CDH23: variants seen among roughly 807,000 people sequenced by gnomAD.
CDH23 encodes cadherin-23.
A neutral mutation model predicts 317.1 loss-of-function variants in CDH23; 189 were observed. That is an observed-to-expected ratio of 0.60 (90% CI 0.53 to 0.67). The LOEUF is 0.67. Ranked by LOEUF, CDH23 falls within the 30% of genes least tolerant of loss-of-function variation. The pLI is 0.00. For missense variants in CDH23, 4,401 were observed against 4,592.4 expected (o/e 0.96, Z 1.20); for synonymous variants, 1,839 against 1,876.8 (o/e 0.98, Z 0.52).
chr10:71,498,367 C>T (rs896355152), intron 3 of CDH23, among the ~76,000 whole-genome samples: 4 of 152,180 alleles, frequency 2.6e-5, no homozygotes, highest in African/African-American at 9.7e-5. Flanking sequence ...GGGTCACATT[C>T]GGGCCAGGTG....
chr10:71,559,728 C>A (rs567990131), intron 6 of CDH23, among the ~76,000 whole-genome samples: 1 of 152,178 alleles, frequency 6.6e-6, no homozygotes. Flanking sequence ...TGACTTAGGG[C>A]CCAGGCCACA....
At chr10:71,798,289 A>G in intron 49 of CDH23, 65 bp from the exon 50 acceptor site, 1 of 1,285,608 alleles carries the variant, frequency 7.8e-7, no homozygotes, top group Non-Finnish European at 1.1e-6. Flanking sequence ...GCTGAGGCTA[A>G]GGAAGGCCTG....
At chr10:71,716,455 G>GC (rs1478080054) in intron 28 of CDH23, 1 of 806,928 alleles carries the variant, frequency 1.2e-6, no homozygotes, top group African/African-American at 1.8e-5. Context: ...TGTTAAACTG[G>GC]ACAGCATCAT....
chr10:71,761,047 G>T, intron 38 of CDH23: 2 of 949,824 alleles, frequency 2.1e-6, no homozygotes, highest in Non-Finnish European at 3.4e-6. Flanking sequence ...CGGCAGTGTT[G>T]GCCCAGTGGC....
Position 71,809,801 on chromosome 10 carries a change from G to A in CDH23, c.8723-19G>A, listed in dbSNP as rs765269009. On this transcript the variant is annotated intron_variant, in intron 60 of 69. Coordinates refer to ENST00000224721, the MANE Select transcript of CDH23 (RefSeq NM_022124.6). ...GCACTGAGTCTCTGAGCCGTACCCC[G>A]CCTTTGGGCTTCCTGCAGGGAGCAT... 132 of 1,606,400 alleles carry A rather than the reference G, an allele frequency of 8.2e-5. 2 individuals are homozygous for A. The South Asian group carries it at 9.0e-4, about 11-fold the overall frequency.
intron 38 of CDH23, among the ~76,000 whole-genome samples, chr10:71,769,826 C>T (rs1378374824): frequency 6.6e-6 from 1 of 152,238 alleles, no homozygotes; most frequent in Non-Finnish European, 1.5e-5. Context: ...ATGGTGGCCA[C>T]TGTCTTTGTC....
chr10:71,712,641 C>G (rs768305516), intron 27 of CDH23, 24 bp from the exon 28 acceptor site: 1 of 1,611,970 alleles, frequency 6.2e-7, no homozygotes, highest in East Asian at 2.2e-5. Context: ...GCTGCTAACA[C>G]CTGTCTTCCT....
intron 14 of CDH23, among the ~76,000 whole-genome samples, chr10:71,654,203 C>T (rs1863312694): frequency 6.6e-6 from 1 of 152,142 alleles, no homozygotes; most frequent in South Asian, 2.1e-4. Flanking sequence ...CTCGGAAGGG[C>T]CCCAAACTTG....
At chr10:71,469,165 G>C (rs1851392373) in intron 3 of CDH23, among the ~76,000 whole-genome samples, 1 of 152,178 alleles carries the variant, frequency 6.6e-6, no homozygotes, top group Non-Finnish European at 1.5e-5. Flanking sequence ...ACATATGATA[G>C]ACTGCACCAC....
intron 1 of CDH23, among the ~76,000 whole-genome samples, chr10:71,413,060 C>T (rs1249850294): frequency 6.6e-6 from 1 of 152,094 alleles, no homozygotes; most frequent in African/African-American, 2.4e-5. Context: ...ATTGCTAAAT[C>T]CAATATCGTG....
intron 38 of CDH23, chr10:71,773,509 C>A: frequency 6.9e-7 from 1 of 1,447,844 alleles, no homozygotes; most frequent in Non-Finnish European, 9.5e-7. Flanking sequence ...CGCGGGGAAG[C>A]CTCCCGCGAC....
intron 3 of CDH23, among the ~76,000 whole-genome samples, chr10:71,463,216 T>C (rs796962421): frequency 1.4e-4 from 21 of 152,208 alleles, no homozygotes; most frequent in African/African-American, 3.9e-4. Flanking sequence ...ATCGGGACCA[T>C]ATTGAGAAAG....
At chr10:71,403,763 C>G (rs112340793) in intron 1 of CDH23, among the ~76,000 whole-genome samples, 5,671 of 151,922 alleles carry the variant, frequency 0.037, 245 homozygotes, top group African/African-American at 0.1. Flanking sequence ...AATCTGCCCA[C>G]CTCGGCCTCC....
rs186560287 is a variant in CDH23 at position 71,481,099 on chromosome 10, G to A, written c.146-28983G>A. ...GAAAGGGGACTTTGAGATCCCTGGG[G>A]AGCCCCATTTCCCGTTGCCCAGCTG... On this transcript the variant is annotated intron_variant, in intron 3 of 69. Transcript: ENST00000224721. Among the ~76,000 whole-genome samples the A allele has an allele frequency of 9.3e-4, 142 of 152,292 alleles. 1 individual carries two copies. The highest frequency in any genetic ancestry group is 2.6e-3 in the African/African-American group (109 of 41,564).
At chr10:71,781,338 C>A (rs1343068285) in intron 41 of CDH23, among the ~76,000 whole-genome samples, 1 of 152,230 alleles carries the variant, frequency 6.6e-6, no homozygotes. Flanking sequence ...AAAGTCTCCT[C>A]TCTGGCCAAG....
At chr10:71,697,296 C>G (rs2132721015) in intron 22 of CDH23, among the ~76,000 whole-genome samples, 1 of 152,322 alleles carries the variant, frequency 6.6e-6, no homozygotes, top group Non-Finnish European at 1.5e-5. Flanking sequence ...AGTGCCTCCT[C>G]ACTTTCCAGG....
intron 38 of CDH23, among the ~76,000 whole-genome samples, chr10:71,743,747 G>A (rs1206935929): frequency 3.9e-5 from 6 of 152,212 alleles, no homozygotes; most frequent in East Asian, 1.9e-4. Flanking sequence ...CATCTTGGTC[G>A]TCCCTTCAAT....
At chr10:71,547,690 C>A (rs1347973931) in intron 6 of CDH23, among the ~76,000 whole-genome samples, 1 of 152,180 alleles carries the variant, frequency 6.6e-6, no homozygotes, top group Non-Finnish European at 1.5e-5. Flanking sequence ...CTCCTGGAGG[C>A]AGAATTGCAA....
chr10:71,651,937 T>C (rs1863194400), intron 14 of CDH23, among the ~76,000 whole-genome samples: 1 of 152,162 alleles, frequency 6.6e-6, no homozygotes, highest in Non-Finnish European at 1.5e-5. Flanking sequence ...AGAGGCGAAG[T>C]GCTGAGGAAG....
Sources: gnomAD v4.1 joint callset for allele counts (sites outside exome capture counted in the v4.1 genomes callset) on GRCh38, gnomAD v4.1.1 for gene constraint, MANE v1.5 for transcripts, NCBI Gene and HGNC (gene_info 2026-07-23, HGNC 2026-07-21) for gene names.